Variants in KCNIP4 observed in about 807,000 individuals in gnomAD.
KCNIP4 encodes potassium voltage-gated channel interacting protein 4, also known as Kv channel-interacting protein 4.
In KCNIP4, 12 loss-of-function variants were observed where a neutral mutation model predicts 34.0. The ratio of observed to expected loss-of-function variants is 0.35; its 90% CI spans 0.23 to 0.57. KCNIP4 has a LOEUF of 0.57. KCNIP4 is among the 20% of genes least tolerant of loss of function. The pLI, the probability that KCNIP4 is intolerant of heterozygous loss-of-function variation, is 0.83. For synonymous variants in KCNIP4, 124 were observed against 102.2 expected (o/e 1.21, Z -1.29); for missense variants, 238 against 311.7 (o/e 0.76, Z 1.78).
chr4:21,490,922 G>A (rs1192669513), intron 1 of KCNIP4, among the ~76,000 whole-genome samples: 1 of 152,092 alleles, frequency 6.6e-6, no homozygotes, highest in Non-Finnish European at 1.5e-5. Context: ...GAGGTAATAA[G>A]TGGAGACCTC....
At chr4:21,269,564 C>T (rs923780422) in intron 1 of KCNIP4, among the ~76,000 whole-genome samples, 4 of 151,980 alleles carry the variant, frequency 2.6e-5, no homozygotes, top group Admixed American at 2.0e-4. Flanking sequence ...TGCCACCATG[C>T]CCAGCTAATT....
chr4:21,386,759 C>T (rs964841683), intron 1 of KCNIP4, among the ~76,000 whole-genome samples: 3 of 152,088 alleles, frequency 2.0e-5, no homozygotes, highest in Non-Finnish European at 4.4e-5. Context: ...TGCCAGACAC[C>T]ACGCTGGACA....
chr4:20,887,786 A>G (rs1326581560), intron 1 of KCNIP4, among the ~76,000 whole-genome samples: 1 of 152,140 alleles, frequency 6.6e-6, no homozygotes, highest in Admixed American at 6.5e-5. Context: ...CGGAAACTTG[A>G]CTCTACAGGT....
intron 1 of KCNIP4, among the ~76,000 whole-genome samples, chr4:21,073,274 A>G (rs1372597364): frequency 6.6e-6 from 1 of 152,176 alleles, no homozygotes; most frequent in Non-Finnish European, 1.5e-5. Flanking sequence ...CTTCCTACCC[A>G]TGAGCATGGA....
At chr4:21,424,006 A>T (rs1375141086) in intron 1 of KCNIP4, among the ~76,000 whole-genome samples, 1 of 147,900 alleles carries the variant, frequency 6.8e-6, no homozygotes, top group Non-Finnish European at 1.5e-5. Flanking sequence ...TTTTTAGTAG[A>T]GACTGGGTTT....
chr4:21,273,083 C>T (rs1177647527), intron 1 of KCNIP4, among the ~76,000 whole-genome samples: 1 of 152,088 alleles, frequency 6.6e-6, no homozygotes, highest in African/African-American at 2.4e-5. Flanking sequence ...ATGTAGTTGA[C>T]ACTATTTATT....
chr4:20,731,905 A>G (rs1748350471), intron 8 of KCNIP4, 101 bp downstream of exon 8: 3 of 1,524,634 alleles, frequency 2.0e-6, no homozygotes, highest in Non-Finnish European at 2.6e-6. Flanking sequence ...ACTTAGGCAT[A>G]TGATCTCTAT....
intron 2 of KCNIP4, among the ~76,000 whole-genome samples, chr4:20,865,338 C>T (rs1553908661): frequency 6.6e-6 from 1 of 151,770 alleles, no homozygotes; most frequent in Non-Finnish European, 1.5e-5. Context: ...AAGTTCTAAC[C>T]TTATTCTTTA....
chr4:20,968,178 G>A (rs567896320), intron 1 of KCNIP4, among the ~76,000 whole-genome samples: 191 of 152,296 alleles, frequency 1.3e-3, no homozygotes, highest in African/African-American at 4.4e-3. Context: ...ATGAAAAAAT[G>A]CTCATCATCA....
intron 1 of KCNIP4, among the ~76,000 whole-genome samples, chr4:21,222,645 T>A (rs7671273): frequency 0.028 from 4,215 of 152,260 alleles, 180 homozygotes; most frequent in African/African-American, 0.094. Context: ...TAAGTAAAAT[T>A]TTTTACACTC....
intron 1 of KCNIP4, among the ~76,000 whole-genome samples, chr4:20,936,341 C>T (rs921050582): frequency 6.6e-5 from 10 of 151,946 alleles, no homozygotes; most frequent in East Asian, 3.9e-4. Context: ...GTATAGAAAA[C>T]GGGTTCATTT....
intron 1 of KCNIP4, among the ~76,000 whole-genome samples, chr4:21,626,416 CAA>C (rs1745327081): frequency 6.6e-6 from 1 of 151,030 alleles, no homozygotes; most frequent in Admixed American, 6.6e-5. Flanking sequence ...TAAGTGTGCA[CAA>C]AGAGGTCATG....
chr4:21,215,728 T>A (rs1757504676), intron 1 of KCNIP4, among the ~76,000 whole-genome samples: 1 of 152,224 alleles, frequency 6.6e-6, no homozygotes, highest in Admixed American at 6.5e-5. Context: ...AGGAATCACA[T>A]TTTACTAGGA....
chr4:20,742,778 CCT>C (rs1751451938), intron 5 of KCNIP4, among the ~76,000 whole-genome samples: 1 of 152,068 alleles, frequency 6.6e-6, no homozygotes, highest in South Asian at 2.1e-4. Context: ...TCAAATTTTC[CCT>C]GTTTGCGGAT....
intron 1 of KCNIP4, among the ~76,000 whole-genome samples, chr4:20,994,632 A>G (rs955213724): frequency 1.3e-5 from 2 of 152,210 alleles, no homozygotes; most frequent in Non-Finnish European, 2.9e-5. Flanking sequence ...ATAGAACCCT[A>G]CAGTACCCAG....
chr4:21,070,413 A>G (rs965843338), intron 1 of KCNIP4, among the ~76,000 whole-genome samples: 2 of 151,438 alleles, frequency 1.3e-5, no homozygotes. Flanking sequence ...GTGTCCAACT[A>G]GTTTAACTAG....
chr4:21,158,181 G>A (rs1753294276), intron 1 of KCNIP4, among the ~76,000 whole-genome samples: 1 of 152,052 alleles, frequency 6.6e-6, no homozygotes. Flanking sequence ...TTCTCACAAG[G>A]AATGTTCTAG....
intron 1 of KCNIP4, among the ~76,000 whole-genome samples, chr4:21,070,478 T>G (rs954218489): frequency 3.3e-5 from 5 of 152,004 alleles, no homozygotes; most frequent in African/African-American, 7.2e-5. Flanking sequence ...TTACTTTAGC[T>G]GTTCTAATAG....
rs887717898 is a variant in KCNIP4, at chr4:21,132,890, G to T, written c.62-250181C>A. 6.0e-5 allele frequency among the ~76,000 whole-genome samples: 9 copies of T among 149,006 alleles called. 1 individual carries two copies. The highest frequency in any genetic ancestry group is 4.9e-5 in the African/African-American group (2 of 40,440). On this transcript the variant is annotated intron_variant, in intron 1 of 8. Transcript: ENST00000382152. ...AAAAAAAAAAATTAGCCAGGTGCCT[G>T]TAATCCCAGCTACTTGGGACGCTGA...
Sources: gnomAD v4.1 joint callset for allele counts (sites outside exome capture counted in the v4.1 genomes callset) on GRCh38, gnomAD v4.1.1 for gene constraint, MANE v1.5 for transcripts, NCBI Gene and HGNC (gene_info 2026-07-23, HGNC 2026-07-21) for gene names.